WDR11: variants seen among roughly 807,000 people sequenced by gnomAD.
The protein encoded by WDR11 is WD repeat-containing protein 11.
Under a neutral mutation model 151.2 loss-of-function variants are expected in WDR11, and 83 were observed. The ratio of observed to expected loss-of-function variants is 0.55; its 90% CI spans 0.46 to 0.66. The LOEUF (loss-of-function observed/expected upper bound fraction) is 0.66, where lower values mean the gene tolerates loss of function less well. Among genes scored for constraint, WDR11 ranks in the 30% least tolerant of loss-of-function variants. WDR11 has a pLI of 0.00. For missense variants in WDR11, 1,301 were observed against 1,480.9 expected, an observed-to-expected ratio of 0.88 and a Z score of 1.99; for synonymous variants, 484 against 533.1, an observed-to-expected ratio of 0.91 and a Z score of 1.27.
chr10:120,905,208 A>G (rs1847987130), intron 25 of WDR11, 111 bp from the exon 26 acceptor site: 1 of 958,376 alleles, frequency 1.0e-6, no homozygotes, highest in Non-Finnish European at 1.7e-6. Flanking sequence ...TGTCTTCAGT[A>G]GGTATAAAAT....
At chr10:120,862,455 T>C (rs1468083776) in intron 4 of WDR11, 1 of 289,384 alleles carries the variant, frequency 3.5e-6, no homozygotes, top group Non-Finnish European at 6.4e-6. Flanking sequence ...TGAATTTATT[T>C]AGAAGAACAA....
At chr10:120,879,771 A>T (rs150328982) in intron 12 of WDR11, 6 of 152,264 alleles carry the variant, frequency 3.9e-5, no homozygotes, top group African/African-American at 1.2e-4. Flanking sequence ...ATTCCACATG[A>T]TGGAATCTCA....
intron 19 of WDR11, among the ~76,000 whole-genome samples, chr10:120,893,325 C>T (rs1379664177): frequency 1.3e-5 from 2 of 152,072 alleles, no homozygotes; most frequent in Non-Finnish European, 2.9e-5. Context: ...TCATCCATGT[C>T]CCTACAAATG....
chr10:120,857,075 A>G (rs1845972775), intron 2 of WDR11, among the ~76,000 whole-genome samples: 1 of 148,620 alleles, frequency 6.7e-6, no homozygotes, highest in East Asian at 1.9e-4. Flanking sequence ...AGCAAAGATT[A>G]TCACATATAT....
At chr10:120,906,069 C>T (rs1041910928) in intron 27 of WDR11, 48 bp downstream of exon 27, 3 of 1,612,358 alleles carry the variant, frequency 1.9e-6, no homozygotes, top group South Asian at 2.2e-5. Context: ...CGTGAGCAGT[C>T]ACTTCATGTT....
At chr10:120,880,449 TAGG>T in intron 12 of WDR11, 1 of 218,812 alleles carries the variant, frequency 4.6e-6, no homozygotes, top group Non-Finnish European at 9.2e-6. Flanking sequence ...CACTAGAGGT[TAGG>T]AGATCGAGAC....
intron 9 of WDR11, among the ~76,000 whole-genome samples, chr10:120,867,789 T>C (rs1846366910): frequency 6.6e-6 from 1 of 152,226 alleles, no homozygotes; most frequent in South Asian, 2.1e-4. Flanking sequence ...AGTAAATATT[T>C]ACTGAAGGAA....
At chr10:120,900,565 T>A (rs7896567) in intron 20 of WDR11, among the ~76,000 whole-genome samples, 56,587 of 152,018 alleles carry the variant, frequency 0.37, 10,631 homozygotes, top group Admixed American at 0.44. Context: ...ACTATTAGTG[T>A]TTATTAATTA....
Position 120,851,411 on chromosome 10 carries a change from G to A in WDR11, c.-10G>A, listed in dbSNP as rs751720226. On this transcript the variant is annotated 5_prime_UTR_variant, in exon 1 of 29. Coordinates refer to ENST00000263461, the MANE Select transcript of WDR11 (RefSeq NM_018117.12). ...CGGGTCAGCGCCCAGGTCCTGGGCT[G>A]GCCGCCGGGATGTTGCCCTACACAG... 8 of 1,606,848 alleles carry A rather than the reference G, an allele frequency of 5.0e-6. No homozygotes were observed. The Admixed American group carries it at 1.4e-4, about 27-fold the overall frequency.
intron 21 of WDR11, among the ~76,000 whole-genome samples, chr10:120,901,413 C>T (rs1200427355): frequency 5.3e-5 from 8 of 152,142 alleles, no homozygotes. Context: ...TACTACAAAC[C>T]TCCATGAAGC....
At chr10:120,902,747 C>G (rs1380570388) in intron 22 of WDR11, among the ~76,000 whole-genome samples, 1 of 150,004 alleles carries the variant, frequency 6.7e-6, no homozygotes, top group Non-Finnish European at 1.5e-5. Context: ...GGAACTTCTT[C>G]CTAATGTGAA....
At chr10:120,851,576 G>A in intron 1 of WDR11, 70 bp downstream of exon 1, 1 of 1,554,352 alleles carries the variant, frequency 6.4e-7, no homozygotes, top group Non-Finnish European at 8.7e-7. Context: ...GGAAGGACAA[G>A]AGGTTTCACC....
At chr10:120,852,293 A>G (rs1020885686) in intron 1 of WDR11, 3 of 489,070 alleles carry the variant, frequency 6.1e-6, no homozygotes, top group African/African-American at 3.9e-5. Context: ...CTCTATTTTC[A>G]TATCTTTTAG....
intron 2 of WDR11, among the ~76,000 whole-genome samples, chr10:120,857,641 A>T (rs996985256): frequency 2.0e-5 from 3 of 152,212 alleles, no homozygotes; most frequent in Non-Finnish European, 4.4e-5. Context: ...CGTTGTTTCC[A>T]TCTTTTTCAT....
In WDR11 at chr10:120,860,177, A is replaced by T. The variant is rs1013120030; in HGVS notation, c.421A>T (p.Ile141Phe). The T allele has an allele frequency of 6.8e-6, 11 of 1,614,022 alleles. No individual in the cohort carries two copies. The highest frequency in any genetic ancestry group is 5.0e-5 in the Admixed American group (3 of 60,002). Residue 141 changes from isoleucine to phenylalanine, a missense_variant, in exon 4 of 29, where the codon ATT (isoleucine) becomes TTT (phenylalanine). Physicochemically the swap from Ile to Phe is conservative, Grantham distance 21. Coordinates refer to ENST00000263461, the MANE Select transcript of WDR11 (RefSeq NM_018117.12). ...LLLAIHPPNY[I>F]VLWNADTGTK... Reference sequence around the variant, plus strand: ...GCTTGCTATCCACCCGCCAAATTACATTGTGCTCTGGAATGCCGACACTGG... The same window carrying T: ...GCTTGCTATCCACCCGCCAAATTACTTTGTGCTCTGGAATGCCGACACTGG...
At chr10:120,852,937 A>T (rs952357577) in intron 2 of WDR11, among the ~76,000 whole-genome samples, 1 of 152,226 alleles carries the variant, frequency 6.6e-6, no homozygotes, top group Non-Finnish European at 1.5e-5. Context: ...GAAAGCCCTC[A>T]GATAATTCTC....
In WDR11 at chr10:120,868,456, C is replaced by T. The variant is rs190598729; in HGVS notation, c.1294+1287C>T. ...TGGGCAACAGAGCGAGACTCGATCT[C>T]AAAAACAAAAAAAAAGCATTACATT... On this transcript the variant is annotated intron_variant, in intron 9 of 28. Coordinates refer to ENST00000263461, the MANE Select transcript of WDR11 (RefSeq NM_018117.12). 3.2e-3 allele frequency among the ~76,000 whole-genome samples: 487 copies of T among 150,736 alleles called. 2 individuals are homozygous for T. Among genetic ancestry groups the T allele is most frequent in the African/African-American group, 0.011 (464 of 41,092 alleles).
At chr10:120,905,788 T>C (rs558037999) in intron 26 of WDR11, 88 bp from the exon 27 acceptor site, 237 of 1,610,920 alleles carry the variant, frequency 1.5e-4, no homozygotes, top group Admixed American at 8.2e-4. Context: ...CTGTATTTCA[T>C]AGAAACAGAT....
At chr10:120,860,381 T>G in intron 4 of WDR11, 99 bp downstream of exon 4, 1 of 1,405,572 alleles carries the variant, frequency 7.1e-7, no homozygotes, top group South Asian at 1.2e-5. Context: ...ACATCTATAA[T>G]GTTAAAATGA....
Sources: gnomAD v4.1 joint callset for allele counts (sites outside exome capture counted in the v4.1 genomes callset) on GRCh38, gnomAD v4.1.1 for gene constraint, MANE v1.5 for transcripts, NCBI Gene and HGNC (gene_info 2026-07-23, HGNC 2026-07-21) for gene names.